The following VPS8 variants were observed in gnomAD, a reference collection of about 807,000 sequenced individuals.
The protein encoded by VPS8 is vacuolar protein sorting-associated protein 8 homolog.
A neutral mutation model predicts 216.4 loss-of-function variants in VPS8; 129 were observed. The ratio of observed to expected loss-of-function variants is 0.60; its 90% CI spans 0.52 to 0.69. The LOEUF (loss-of-function observed/expected upper bound fraction) is 0.69, where lower values mean the gene tolerates loss of function less well. Among genes scored for constraint, VPS8 ranks in the 30% least tolerant of loss-of-function variants. VPS8 has a pLI of 0.00. For missense variants in VPS8, 1,531 were observed against 1,683.5 expected, an observed-to-expected ratio of 0.91 and a Z score of 1.59; for synonymous variants, 571 against 565.4, an observed-to-expected ratio of 1.01 and a Z score of -0.14.
chr3:184,852,958 G>C (rs1724594946), intron 11 of VPS8, among the ~76,000 whole-genome samples: 2 of 152,144 alleles, frequency 1.3e-5, no homozygotes, highest in South Asian at 4.1e-4. Flanking sequence ...TAAGAGCAAA[G>C]ACTGTCTAGA....
At chr3:184,870,603 C>T in intron 20 of VPS8, 113 bp from the exon 21 acceptor site, 1 of 848,656 alleles carries the variant, frequency 1.2e-6, no homozygotes, top group Non-Finnish European at 1.8e-6. Flanking sequence ...CTAAAATTTT[C>T]AGTTAAATTT....
At chr3:184,924,779 C>T in intron 29 of VPS8, 83 bp from the exon 30 acceptor site, 1 of 1,465,584 alleles carries the variant, frequency 6.8e-7, no homozygotes, top group South Asian at 1.4e-5. Flanking sequence ...AGTCATGAGG[C>T]TATCCCGTCT....
chr3:185,052,158 G>A lies in VPS8; in HGVS notation c.*133G>A. 1.0e-6 allele frequency: 1 copy of A among 981,218 alleles called. No homozygotes were observed. Among genetic ancestry groups the A allele is most frequent in the Non-Finnish European group, 1.4e-6 (1 of 692,556 alleles). 60.8% of individuals were successfully genotyped at this position (981,218 alleles called of 1,614,324 possible). On this transcript the variant is annotated 3_prime_UTR_variant, in exon 48 of 48. Coordinates refer to ENST00000625842, the MANE Select transcript of VPS8 (RefSeq NM_001009921.3). ...AAGAGGTTCCAAATTGGGCTTCTGT[G>A]CCCAGAGCGTCCACAGCACCATTCC...
intron 1 of VPS8, chr3:184,817,349 A>G (rs1282401705): frequency 6.6e-6 from 1 of 152,318 alleles, no homozygotes; most frequent in Non-Finnish European, 1.5e-5. Flanking sequence ...AGAATGGTGA[A>G]CAAGGCAGAT....
At chr3:184,863,181 G>A (rs991032573) in intron 16 of VPS8, 114 bp downstream of exon 16, 3 of 1,311,608 alleles carry the variant, frequency 2.3e-6, no homozygotes, top group African/African-American at 1.5e-5. Context: ...CTGTCTTGAG[G>A]TGTTTCTTTA....
chr3:185,041,057 T>C (rs1704203602), intron 46 of VPS8, among the ~76,000 whole-genome samples: 1 of 152,038 alleles, frequency 6.6e-6, no homozygotes, highest in South Asian at 2.1e-4. Context: ...CACAAAAAAT[T>C]AGCTGGGCAT....
intron 21 of VPS8, among the ~76,000 whole-genome samples, chr3:184,880,127 G>A (rs1682574815): frequency 6.6e-6 from 1 of 152,092 alleles, no homozygotes; most frequent in South Asian, 2.1e-4. Flanking sequence ...TTCATACTCA[G>A]TTGCAAGAAA....
intron 15 of VPS8, among the ~76,000 whole-genome samples, chr3:184,861,363 C>T (rs1035905528): frequency 6.6e-6 from 1 of 152,134 alleles, no homozygotes; most frequent in Non-Finnish European, 1.5e-5. Flanking sequence ...GCTTTTTCCT[C>T]AACTTGATAA....
intron 45 of VPS8, among the ~76,000 whole-genome samples, chr3:185,014,695 C>T (rs1755539609): frequency 6.6e-6 from 1 of 152,098 alleles, no homozygotes; most frequent in African/African-American, 2.4e-5. Flanking sequence ...CCCTGTTTCT[C>T]CCCCCTTTTT....
chr3:184,866,777 C>T lies in VPS8; in HGVS notation c.1396-99C>T, dbSNP rs73885607. 1.3e-3 allele frequency: 1,367 copies of T among 1,065,008 alleles called. 8 individuals are homozygous for T. The African/African-American group carries it at 0.019, about 15-fold the overall frequency. 66.0% of individuals were successfully genotyped at this position (1,065,008 alleles called of 1,614,324 possible). A position where few individuals can be genotyped will look rare whatever the true frequency, so the allele number is the denominator to read the frequency against. ...TGTAAACTATAATCACTAAAAAAGA[C>T]GTGTAACTAATAAGTCATTAATAGT... On this transcript the variant is annotated intron_variant, in intron 16 of 47. Coordinates refer to ENST00000625842, the MANE Select transcript of VPS8 (RefSeq NM_001009921.3).
intron 8 of VPS8, among the ~76,000 whole-genome samples, chr3:184,845,368 A>T (rs74880407): frequency 0.027 from 4,071 of 152,258 alleles, 192 homozygotes; most frequent in African/African-American, 0.093. Flanking sequence ...CTTCAATAAG[A>T]CTGCTTTCTT....
chr3:185,002,457 T>C (rs999839334), intron 45 of VPS8, among the ~76,000 whole-genome samples: 2 of 152,214 alleles, frequency 1.3e-5, no homozygotes, highest in African/African-American at 4.8e-5. Context: ...TTTTAAATTT[T>C]TTATTTCCAT....
At chr3:185,040,965 G>C (rs1426610676) in intron 46 of VPS8, among the ~76,000 whole-genome samples, 1 of 152,174 alleles carries the variant, frequency 6.6e-6, no homozygotes, top group Non-Finnish European at 1.5e-5. Flanking sequence ...CACTTTGGGA[G>C]GCCAAGGCGG....
At chr3:184,993,666 G>A (rs145105924) in intron 42 of VPS8, among the ~76,000 whole-genome samples, 7 of 152,206 alleles carry the variant, frequency 4.6e-5, no homozygotes, top group African/African-American at 1.7e-4. Context: ...ACATATATAC[G>A]AGCTCAAAGA....
chr3:185,011,938 A>C (rs566965534), intron 45 of VPS8, among the ~76,000 whole-genome samples: 3 of 152,356 alleles, frequency 2.0e-5, no homozygotes, highest in Non-Finnish European at 2.9e-5. Context: ...ATGATTGAAC[A>C]CATGGGGAAA....
chr3:184,887,043 A>G (rs926978622), intron 22 of VPS8, among the ~76,000 whole-genome samples: 2 of 152,232 alleles, frequency 1.3e-5, no homozygotes, highest in African/African-American at 2.4e-5. Flanking sequence ...AATTGTAACT[A>G]TATAAACTAG....
chr3:184,839,398 A>T, intron 6 of VPS8: 1 of 304,366 alleles, frequency 3.3e-6, no homozygotes, highest in Non-Finnish European at 6.0e-6. Flanking sequence ...CTTTGCCTGG[A>T]TCCCTGATTT....
At position 184,838,716 on chromosome 3, in the gene VPS8, C is replaced by T; in HGVS notation, c.450C>T (p.Asp150=). 6.5e-7 allele frequency: 1 copy of T among 1,541,020 alleles called. No individual in the cohort carries two copies. The highest frequency in any genetic ancestry group is 8.7e-7 in the Non-Finnish European group (1 of 1,144,108). The change falls in exon 6 of 48, where the codon GAC becomes GAT. Residue 150 remains aspartate (D), a splice_region_variant and synonymous_variant. Transcript: ENST00000625842. ...GISAQIVSAA[D]KVDAGLPTAI... The stretch of plus-strand genomic sequence containing the variant: ...ACTTTCTTTAAAATTTCATTTAGGA[C>T]AAAGTAGATGCTGGCTTGCCTACAG...
intron 21 of VPS8, among the ~76,000 whole-genome samples, chr3:184,880,820 C>T (rs1730138203): frequency 6.6e-6 from 1 of 152,192 alleles, no homozygotes; most frequent in Non-Finnish European, 1.5e-5. Flanking sequence ...CTACATCCAG[C>T]ATTTGATGAA....
Sources: allele counts gnomAD v4.1 joint callset (sites outside exome capture counted in the v4.1 genomes callset), GRCh38; gene constraint gnomAD v4.1.1; transcripts MANE v1.5; gene names NCBI Gene and HGNC (gene_info 2026-07-23, HGNC 2026-07-21).